The following MAML2 variants were observed in gnomAD, a reference collection of about 807,000 sequenced individuals.
MAML2 encodes the protein mastermind-like protein 2.
A neutral mutation model predicts 96.1 loss-of-function variants in MAML2; 22 were observed. The ratio of observed to expected loss-of-function variants is 0.23; its 90% CI spans 0.16 to 0.33. MAML2 has a LOEUF of 0.33. Among genes scored for constraint, MAML2 ranks in the 10% least tolerant of loss-of-function variants. The pLI is 1.00. For synonymous variants in MAML2, 561 were observed against 521.3 expected, an observed-to-expected ratio of 1.08 and a Z score of -1.04; for missense variants, 1,367 against 1,392.4, an observed-to-expected ratio of 0.98 and a Z score of 0.29.
intron 2 of MAML2, among the ~76,000 whole-genome samples, chr11:96,085,368 A>T (rs1435159818): frequency 6.6e-6 from 1 of 152,194 alleles, no homozygotes; most frequent in African/African-American, 2.4e-5. Flanking sequence ...TTAACCATTA[A>T]TGTGCAAATT....
At chr11:96,260,397 G>T (rs186512722) in intron 1 of MAML2, among the ~76,000 whole-genome samples, 1 of 152,260 alleles carries the variant, frequency 6.6e-6, no homozygotes, top group Non-Finnish European at 1.5e-5. Context: ...TCCCTTGGCC[G>T]TCTCCTTTTT....
chr11:96,187,575 G>A (rs1024477979), intron 1 of MAML2, among the ~76,000 whole-genome samples: 15 of 152,122 alleles, frequency 9.9e-5, no homozygotes, highest in Admixed American at 3.3e-4. Flanking sequence ...TTGGGAGGCC[G>A]AGGGTGGTGG....
chr11:96,054,177 G>A (rs1019041116), intron 2 of MAML2, among the ~76,000 whole-genome samples: 5 of 152,190 alleles, frequency 3.3e-5, no homozygotes, highest in African/African-American at 1.2e-4. Context: ...TACATGTGGA[G>A]AAATGCCATT....
chr11:96,020,488 T>C (rs1363333162), intron 2 of MAML2, among the ~76,000 whole-genome samples: 3 of 152,228 alleles, frequency 2.0e-5, no homozygotes, highest in Non-Finnish European at 4.4e-5. Context: ...TGCATATGAA[T>C]CACTTTGGGA....
chr11:96,146,512 G>A (rs1472326532), intron 1 of MAML2, among the ~76,000 whole-genome samples: 1 of 152,230 alleles, frequency 6.6e-6, no homozygotes, highest in Non-Finnish European at 1.5e-5. Flanking sequence ...CCTGCCAGCT[G>A]TTATGAGTCT....
chr11:96,103,506 T>G (rs1289169296), intron 1 of MAML2, among the ~76,000 whole-genome samples: 1 of 152,226 alleles, frequency 6.6e-6, no homozygotes, highest in African/African-American at 2.4e-5. Context: ...GTTCGAGGGT[T>G]GTTTATTCAT....
At chr11:96,178,619 A>G (rs1183986245) in intron 1 of MAML2, among the ~76,000 whole-genome samples, 2 of 152,170 alleles carry the variant, frequency 1.3e-5, no homozygotes, top group Non-Finnish European at 2.9e-5. Context: ...CCAACACCAC[A>G]TGGAATCAGG....
rs187152481 is a variant in MAML2 at position 96,025,782 on chromosome 11, C to T, written c.2140-34059G>A. 3.0e-3 allele frequency among the ~76,000 whole-genome samples: 453 copies of T among 152,166 alleles called. 4 individuals carry two copies. Among genetic ancestry groups the T allele is most frequent in the Non-Finnish European group, 3.8e-3 (258 of 68,012 alleles). ...TTCACCATGTTGGCCAGGATCGTCT[C>T]AATCTTTTGACCTCATGATCCGCCC... is the stretch of plus-strand genomic sequence containing the variant. On this transcript the variant is annotated intron_variant, in intron 2 of 4. Coordinates refer to ENST00000524717, the MANE Select transcript of MAML2 (RefSeq NM_032427.4).
intron 1 of MAML2, among the ~76,000 whole-genome samples, chr11:96,193,181 A>T (rs1861680400): frequency 6.6e-6 from 1 of 152,198 alleles, no homozygotes; most frequent in Admixed American, 6.5e-5. Flanking sequence ...AGCCTGACCA[A>T]TATGGTGAAA....
intron 1 of MAML2, among the ~76,000 whole-genome samples, chr11:96,329,888 C>T (rs1409662597): frequency 6.6e-6 from 1 of 152,208 alleles, no homozygotes; most frequent in Non-Finnish European, 1.5e-5. Flanking sequence ...AATGTGCTCA[C>T]TTTTCCCTGT....
chr11:96,283,425 A>C, intron 1 of MAML2, among the ~76,000 whole-genome samples: 1 of 152,234 alleles, frequency 6.6e-6, no homozygotes, highest in Non-Finnish European at 1.5e-5. Flanking sequence ...AATATCAAGA[A>C]ACCATGAGAT....
chr11:96,274,081 T>G (rs915994789), intron 1 of MAML2, among the ~76,000 whole-genome samples: 2 of 140,780 alleles, frequency 1.4e-5, no homozygotes, highest in African/African-American at 2.6e-5. Context: ...CTTTTCCTTT[T>G]TTTTTTTTTT....
chr11:95,989,029 G>T (rs1857869881), intron 3 of MAML2, among the ~76,000 whole-genome samples: 1 of 152,136 alleles, frequency 6.6e-6, no homozygotes. Context: ...ATCCAGCTTG[G>T]TGCCTGGCAT....
At position 95,977,916 on chromosome 11, in the gene MAML2, T is replaced by A; in HGVS notation, c.*1032A>T. ...CATTTGTACACACTGGTACTTGCCA[T>A]CCCTGGTTCTTATCTCCAACCAAAA... On this transcript the variant is annotated 3_prime_UTR_variant, in exon 5 of 5. Transcript: ENST00000524717. 1 of 224,378 alleles carries A rather than the reference T, an allele frequency of 4.5e-6. No individual in the cohort carries two copies. The allele number at this position is 224,378 out of a possible 1,614,324, so 13.9% of individuals were successfully genotyped here.
At chr11:96,070,077 G>A (rs1859318441) in intron 2 of MAML2, among the ~76,000 whole-genome samples, 1 of 151,358 alleles carries the variant, frequency 6.6e-6, no homozygotes, top group South Asian at 2.1e-4. Context: ...GGATCACGAG[G>A]TCAGGAGATC....
At chr11:96,247,231 C>T (rs1180756209) in intron 1 of MAML2, among the ~76,000 whole-genome samples, 2 of 151,878 alleles carry the variant, frequency 1.3e-5, no homozygotes, top group African/African-American at 4.8e-5. Flanking sequence ...ATAAGTAAAC[C>T]TTCAGAAATA....
chr11:96,268,765 TGC>T (rs1862867901), intron 1 of MAML2, among the ~76,000 whole-genome samples: 3 of 108,260 alleles, frequency 2.8e-5, no homozygotes, highest in African/African-American at 8.2e-5. Context: ...GGAGTTCCCC[TGC>T]ACACGATCTG....
At chr11:96,091,818 A>T (rs1183137099) in intron 2 of MAML2, 74 bp downstream of exon 2, 3 of 1,526,112 alleles carry the variant, frequency 2.0e-6, no homozygotes, top group Non-Finnish European at 2.6e-6. Flanking sequence ...ATACAAACAT[A>T]ATGGTAACCA....
chr11:96,025,555 T>G (rs928605236), intron 2 of MAML2, among the ~76,000 whole-genome samples: 4 of 152,114 alleles, frequency 2.6e-5, no homozygotes, highest in Non-Finnish European at 4.4e-5. Flanking sequence ...AAGTGTAAAT[T>G]ATTGTTATTA....
Sources: allele counts gnomAD v4.1 joint callset (sites outside exome capture counted in the v4.1 genomes callset), GRCh38; gene constraint gnomAD v4.1.1; transcripts MANE v1.5; gene names NCBI Gene and HGNC (gene_info 2026-07-23, HGNC 2026-07-21).